GABRB3: variants seen among roughly 807,000 people sequenced by gnomAD.
The protein encoded by GABRB3 is gamma-aminobutyric acid receptor subunit beta-3.
GABRB3 carries 14 observed loss-of-function variants against 52.1 expected under a neutral mutation model. The observed-to-expected ratio is 0.27, with a 90% CI of 0.18 to 0.42. GABRB3 has a LOEUF of 0.42. GABRB3 is among the 10% of genes least tolerant of loss of function. The pLI is 1.00. For synonymous variants in GABRB3, 260 were observed against 232.3 expected, an observed-to-expected ratio of 1.12 and a Z score of -1.08; for missense variants, 307 against 609.1, an observed-to-expected ratio of 0.50 and a Z score of 5.22.
chr15:26,631,084 C>G (rs1029922332), intron 3 of GABRB3, among the ~76,000 whole-genome samples: 4 of 152,190 alleles, frequency 2.6e-5, no homozygotes, highest in Admixed American at 2.6e-4. Context: ...ATTGCTGGAC[C>G]TAGAAGCTGT....
At chr15:26,615,972 C>T (rs779847877) in intron 4 of GABRB3, 1 of 1,289,124 alleles carries the variant, frequency 7.8e-7, no homozygotes, top group Non-Finnish European at 1.0e-6. Flanking sequence ...CAGGAACAAC[C>T]CCAGCTCTCT....
intron 4 of GABRB3, among the ~76,000 whole-genome samples, chr15:26,587,720 G>A (rs1205452462): frequency 6.6e-6 from 1 of 152,198 alleles, no homozygotes; most frequent in Non-Finnish European, 1.5e-5. Flanking sequence ...TTCAAGCCTA[G>A]TGCACGGAGA....
intron 4 of GABRB3, among the ~76,000 whole-genome samples, chr15:26,586,309 A>C (rs936233775): frequency 1.3e-5 from 2 of 151,574 alleles, no homozygotes; most frequent in African/African-American, 4.9e-5. Flanking sequence ...ATTTTCTTAT[A>C]TATTTTGGTA....
rs1887139455 is a variant in GABRB3, at chr15:26,649,769, T to TGGTA, written c.241-28239_241-28236dup. 2.0e-5 allele frequency among the ~76,000 whole-genome samples: 3 copies of TGGTA among 151,014 alleles called. No homozygotes were observed. The South Asian group carries it at 6.3e-4, about 32-fold the overall frequency. ...ATGGACGGATGGATGCATAGATAGA[T>TGGTA]GGTAGCTATGGAAACAATATGAAAA... On this transcript the variant is annotated intron_variant, in intron 3 of 8. Transcript: ENST00000311550.
At chr15:26,591,733 T>G (rs1891213849) in intron 4 of GABRB3, among the ~76,000 whole-genome samples, 2 of 152,236 alleles carry the variant, frequency 1.3e-5, no homozygotes, top group Non-Finnish European at 2.9e-5. Flanking sequence ...TATCTGGATC[T>G]AATTATGGCA....
chr15:26,588,090 A>G (rs1325755966), intron 4 of GABRB3, among the ~76,000 whole-genome samples: 3 of 152,210 alleles, frequency 2.0e-5, no homozygotes, highest in Non-Finnish European at 4.4e-5. Context: ...ATAGAGAAGC[A>G]GAGGAAGATA....
At chr15:26,652,431 T>C (rs1887226679) in intron 3 of GABRB3, among the ~76,000 whole-genome samples, 1 of 152,222 alleles carries the variant, frequency 6.6e-6, no homozygotes, top group Non-Finnish European at 1.5e-5. Flanking sequence ...TTGGTTTTCT[T>C]ATAATCATGA....
intron 4 of GABRB3, among the ~76,000 whole-genome samples, chr15:26,588,301 C>T (rs966616472): frequency 2.0e-5 from 3 of 152,178 alleles, no homozygotes; most frequent in African/African-American, 7.2e-5. Flanking sequence ...CCAGTCATAT[C>T]TGTACTTTAT....
At chr15:26,703,217 C>T (rs1331557815) in intron 3 of GABRB3, among the ~76,000 whole-genome samples, 2 of 152,136 alleles carry the variant, frequency 1.3e-5, no homozygotes, top group African/African-American at 4.8e-5. Context: ...CCTCACAGTT[C>T]TAGAGGCTGG....
At chr15:26,663,471 G>A (rs930382344) in intron 3 of GABRB3, among the ~76,000 whole-genome samples, 84 of 152,304 alleles carry the variant, frequency 5.5e-4, no homozygotes, top group African/African-American at 2.0e-3. Flanking sequence ...ATTGTGATGT[G>A]ATGTCCTTCT....
chr15:26,651,398 A>G (rs1445242038), intron 3 of GABRB3, among the ~76,000 whole-genome samples: 23 of 152,254 alleles, frequency 1.5e-4, no homozygotes, highest in Admixed American at 1.4e-3. Context: ...CCTTAGTATC[A>G]TCCTTCTGCA....
At chr15:26,580,758 T>C (rs1224888556) in intron 5 of GABRB3, 2 of 452,994 alleles carry the variant, frequency 4.4e-6, no homozygotes, top group Non-Finnish European at 8.2e-6. Context: ...CACACAGAGA[T>C]GAATTTAAAA....
chr15:26,665,036 T>C (rs1215064658), intron 3 of GABRB3, among the ~76,000 whole-genome samples: 1 of 152,154 alleles, frequency 6.6e-6, no homozygotes, highest in Non-Finnish European at 1.5e-5. Context: ...CCAATTCTAC[T>C]GTTACAGTTA....
rs1199080312 is a variant in GABRB3, at chr15:26,544,830, A to G, written c.*2963T>C. ...TTTCAATTGTTAAGAAAGAAATCTC[A>G]TTATATCCCCAATGATAACGTTTCT... is the stretch of plus-strand genomic sequence containing the variant. On this transcript the variant is annotated 3_prime_UTR_variant, in exon 9 of 9. Coordinates refer to ENST00000311550, the MANE Select transcript of GABRB3 (RefSeq NM_000814.6). 6.6e-6 allele frequency: 1 copy of G among 152,598 alleles called. No individual in the cohort carries two copies. The highest frequency in any genetic ancestry group is 6.5e-5 in the Admixed American group (1 of 15,282). The allele number at this position is 152,598 out of a possible 1,614,324, so 9.5% of individuals were successfully genotyped here. A position where few individuals can be genotyped will look rare whatever the true frequency, so the allele number is the denominator to read the frequency against.
rs1567097853 is a variant in GABRB3, at chr15:26,554,190, A to ATATATATATATAT, written c.1081-6057_1081-6056insATATATATATATA. 2.0e-3 allele frequency among the ~76,000 whole-genome samples: 63 copies of ATATATATATATAT among 31,514 alleles called. 4 individuals are homozygous for ATATATATATATAT. The highest frequency in any genetic ancestry group is 4.1e-3 in the South Asian group (2 of 492). The allele number at this position is 31,514 out of a possible 152,430, so 20.7% of individuals were successfully genotyped here. A position where few individuals can be genotyped will look rare whatever the true frequency, so the allele number is the denominator to read the frequency against. On this transcript the variant is annotated intron_variant, in intron 8 of 8. Coordinates refer to ENST00000311550, the MANE Select transcript of GABRB3 (RefSeq NM_000814.6). ...ATATATATAAAGTATATATATATAT[A>ATATATATATATAT]CTATATATATATATATATAGTAGAA... is the stretch of plus-strand genomic sequence containing the variant.
At chr15:26,721,758 C>T (rs2140141917) in intron 3 of GABRB3, among the ~76,000 whole-genome samples, 1 of 152,086 alleles carries the variant, frequency 6.6e-6, no homozygotes, top group East Asian at 2.0e-4. Context: ...ACAGTGCTCC[C>T]TGACAGGCAT....
intron 6 of GABRB3, among the ~76,000 whole-genome samples, chr15:26,572,420 C>A (rs1890441546): frequency 6.6e-6 from 1 of 152,252 alleles, no homozygotes; most frequent in South Asian, 2.1e-4. Context: ...GGTAACGGAC[C>A]CAGCAGAGCC....
At chr15:26,731,088 A>C (rs1889899697) in intron 3 of GABRB3, among the ~76,000 whole-genome samples, 1 of 151,402 alleles carries the variant, frequency 6.6e-6, no homozygotes, top group African/African-American at 2.4e-5. Context: ...CTCTCTCTCT[A>C]TTAATATTTT....
chr15:26,699,253 T>C (rs1281384630), intron 3 of GABRB3, among the ~76,000 whole-genome samples: 1 of 152,186 alleles, frequency 6.6e-6, no homozygotes, highest in Non-Finnish European at 1.5e-5. Context: ...TGATTAAATC[T>C]AGACTAGGCA....
Sources: allele counts gnomAD v4.1 joint callset (sites outside exome capture counted in the v4.1 genomes callset), GRCh38; gene constraint gnomAD v4.1.1; transcripts MANE v1.5; gene names NCBI Gene and HGNC (gene_info 2026-07-23, HGNC 2026-07-21).